The following IL18RAP variants were observed in gnomAD, a reference collection of about 807,000 sequenced individuals.
IL18RAP encodes the protein interleukin 18 receptor accessory protein.
Under a neutral mutation model 58.1 loss-of-function variants are expected in IL18RAP, and 37 were observed. The observed-to-expected ratio is 0.64, with a 90% CI of 0.49 to 0.84. The LOEUF is 0.84. Ranked by LOEUF, IL18RAP falls within the 40% of genes least tolerant of loss-of-function variation. IL18RAP has a pLI of 0.00. For synonymous variants in IL18RAP, 268 were observed against 257.5 expected, an observed-to-expected ratio of 1.04 and a Z score of -0.39; for missense variants, 667 against 704.8, an observed-to-expected ratio of 0.95 and a Z score of 0.61.
intron 3 of IL18RAP, among the ~76,000 whole-genome samples, chr2:102,432,673 T>C (rs1003556082): frequency 3.9e-5 from 6 of 152,178 alleles, no homozygotes; most frequent in African/African-American, 1.4e-4. Context: ...CTTCTGGACC[T>C]GGGTGGGGCC....
intron 6 of IL18RAP, among the ~76,000 whole-genome samples, chr2:102,444,196 A>C (rs1315247193): frequency 1.3e-5 from 2 of 152,230 alleles, no homozygotes; most frequent in African/African-American, 4.8e-5. Context: ...AAAAGTACAG[A>C]ACAGATTTTG....
chr2:102,419,624 T>A (rs1681447703), upstream of IL18RAP: 1 of 152,350 alleles, frequency 6.6e-6, no homozygotes, highest in Non-Finnish European at 1.5e-5. Flanking sequence ...AAAAAACATA[T>A]GTGATTCTCA....
At chr2:102,428,270 G>T (rs1195314278) in intron 3 of IL18RAP, among the ~76,000 whole-genome samples, 1 of 151,486 alleles carries the variant, frequency 6.6e-6, no homozygotes, top group Non-Finnish European at 1.5e-5. Context: ...TGCATTGAAT[G>T]TGTAGATCAC....
chr2:102,423,355 T>C lies in IL18RAP; in HGVS notation c.70+8T>C, dbSNP rs767520511. 4.3e-6 allele frequency: 7 copies of C among 1,610,838 alleles called. No homozygotes were observed. The highest frequency in any genetic ancestry group is 1.7e-4 in the Middle Eastern group (1 of 6,052). The stretch of plus-strand genomic sequence containing the variant: ...AAGGATTTAATATTTCAGGTAGGGG[T>C]TTTCACTTTTCATGTTAGCACTGTG... On this transcript the variant is annotated splice_region_variant and intron_variant, in intron 1 of 9. Transcript: ENST00000687160.
chr2:102,448,647 G>A (rs1465821401), intron 8 of IL18RAP, among the ~76,000 whole-genome samples: 1 of 152,116 alleles, frequency 6.6e-6, no homozygotes, highest in African/African-American at 2.4e-5. Flanking sequence ...ATCCCTGGGG[G>A]AAGAAAGGGT....
Position 102,452,280 on chromosome 2 carries a change from T to A in IL18RAP, c.*99T>A. 1 of 1,186,402 alleles carries A rather than the reference T, an allele frequency of 8.4e-7. No homozygotes were observed. The highest frequency in any genetic ancestry group is 1.2e-6 in the Non-Finnish European group (1 of 842,944). 73.5% of individuals were successfully genotyped at this position (1,186,402 alleles called of 1,614,324 possible). On this transcript the variant is annotated 3_prime_UTR_variant, in exon 10 of 10. Transcript: ENST00000687160. Reference sequence around the variant, plus strand: ...TGTGTGTGTTCAGGCTGATAGGAAATTCAAAGAGTCTCCTGCCAGCACCAA... The same window carrying A: ...TGTGTGTGTTCAGGCTGATAGGAAAATCAAAGAGTCTCCTGCCAGCACCAA...
chr2:102,429,937 A>G (rs1358238952), intron 3 of IL18RAP, among the ~76,000 whole-genome samples: 2 of 152,138 alleles, frequency 1.3e-5, no homozygotes, highest in South Asian at 2.1e-4. Flanking sequence ...TACACTTGAT[A>G]TGATTTCAAT....
intron 8 of IL18RAP, among the ~76,000 whole-genome samples, chr2:102,449,887 A>G (rs1484925197): frequency 6.6e-6 from 1 of 152,188 alleles, no homozygotes; most frequent in Non-Finnish European, 1.5e-5. Context: ...GAGGTGCTTC[A>G]TAGGTTAGTT....
intron 3 of IL18RAP, chr2:102,434,147 T>C (rs1467093958): frequency 6.6e-6 from 1 of 152,232 alleles, no homozygotes; most frequent in East Asian, 1.9e-4. Context: ...TTCTAACACC[T>C]GTTCAAAACA....
At chr2:102,451,291 G>C (rs961257737) in intron 9 of IL18RAP, among the ~76,000 whole-genome samples, 1 of 152,210 alleles carries the variant, frequency 6.6e-6, no homozygotes, top group Non-Finnish European at 1.5e-5. Context: ...TGAAGGCTGC[G>C]AAGTGAACTA....
intron 5 of IL18RAP, 59 bp downstream of exon 5, chr2:102,441,436 T>C (rs1000362453): frequency 5.1e-5 from 67 of 1,314,706 alleles, no homozygotes; most frequent in Non-Finnish European, 7.0e-5. Flanking sequence ...GGTCTAAGTG[T>C]GATAGAAGGA....
chr2:102,433,718 G>T (rs1465617141), intron 3 of IL18RAP, among the ~76,000 whole-genome samples: 1 of 151,762 alleles, frequency 6.6e-6, no homozygotes, highest in Admixed American at 6.6e-5. Context: ...GCTAATTTTT[G>T]TATTTTTAGC....
rs551150624 is a variant in IL18RAP at position 102,451,407 on chromosome 2, T to C, written c.1385-359T>C. ...GGCTTCTCAGGCCTGGGCCACGCCCTGGACACCCTGAGAAGTCCAGATCTC... is the reference window on the plus strand; with the variant it reads ...GGCTTCTCAGGCCTGGGCCACGCCCCGGACACCCTGAGAAGTCCAGATCTC... On this transcript the variant is annotated intron_variant, in intron 9 of 9. Coordinates refer to ENST00000687160, the MANE Select transcript of IL18RAP (RefSeq NM_001393487.1). Among the ~76,000 whole-genome samples, 4 of 152,326 alleles carry C rather than the reference T, an allele frequency of 2.6e-5. No individual in the cohort carries two copies. The South Asian group carries it at 8.3e-4, about 32-fold the overall frequency.
intron 4 of IL18RAP, among the ~76,000 whole-genome samples, chr2:102,438,105 C>T (rs1682868273): frequency 6.6e-6 from 1 of 152,146 alleles, no homozygotes; most frequent in Non-Finnish European, 1.5e-5. Context: ...TGAGGTTGAA[C>T]ATTTTGCTAT....
chr2:102,432,336 C>G (rs1256302752), intron 3 of IL18RAP: 1 of 154,142 alleles, frequency 6.5e-6, no homozygotes, highest in East Asian at 2.0e-4. Flanking sequence ...TCCCAAATAG[C>G]CTGCAACTTT....
intron 6 of IL18RAP, among the ~76,000 whole-genome samples, chr2:102,444,315 G>T (rs753369905): frequency 6.6e-6 from 1 of 151,984 alleles, no homozygotes; most frequent in Admixed American, 6.6e-5. Context: ...TAGTCAAGAG[G>T]GTATGTTTTG....
intron 3 of IL18RAP, among the ~76,000 whole-genome samples, chr2:102,429,654 A>G (rs980248713): frequency 1.3e-5 from 2 of 151,790 alleles, no homozygotes; most frequent in Non-Finnish European, 2.9e-5. Context: ...CTTTCTGTGT[A>G]TCATTAGATT....
Position 102,423,920 on chromosome 2 carries a change from T to C in IL18RAP, c.180T>C (p.Asn60=). 1.2e-6 allele frequency: 2 copies of C among 1,614,038 alleles called. No individual in the cohort carries two copies. Residue 60 remains asparagine (N), a synonymous_variant, in exon 2 of 10, where the codon AAT becomes AAC. Transcript: ENST00000687160. The part of the protein sequence containing the change: ...EPQKSHFCHR[N]RLSPKQVPEH... ...AGAAATCACATTTCTGCCACAGAAA[T>C]CGACTCTCACCAAAACAAGTCCCTG...
At chr2:102,436,584 G>A (rs990027814) in intron 3 of IL18RAP, among the ~76,000 whole-genome samples, 4 of 151,948 alleles carry the variant, frequency 2.6e-5, no homozygotes, top group Non-Finnish European at 2.9e-5. Flanking sequence ...GGCAGGCAAA[G>A]TGGAAGGGAA....
Sources: gnomAD v4.1 joint callset for allele counts (sites outside exome capture counted in the v4.1 genomes callset) on GRCh38, gnomAD v4.1.1 for gene constraint, MANE v1.5 for transcripts, NCBI Gene and HGNC (gene_info 2026-07-23, HGNC 2026-07-21) for gene names.